ABI2: variants seen among roughly 807,000 people sequenced by gnomAD.
ABI2 encodes the protein abl interactor 2.
Under a neutral mutation model 59.2 loss-of-function variants are expected in ABI2, and 25 were observed. The ratio of observed to expected loss-of-function variants is 0.42; its 90% CI spans 0.31 to 0.59. The LOEUF (loss-of-function observed/expected upper bound fraction) is 0.59, where lower values mean the gene tolerates loss of function less well. Among genes scored for constraint, ABI2 ranks in the 20% least tolerant of loss-of-function variants. The pLI is 0.14. For missense variants in ABI2, 545 were observed against 681.8 expected (o/e 0.80, Z 2.23); for synonymous variants, 213 against 235.5 (o/e 0.90, Z 0.87).
intron 1 of ABI2, 140 bp downstream of exon 1, chr2:203,328,771 G>T: frequency 2.2e-6 from 1 of 461,790 alleles, no homozygotes; most frequent in East Asian, 3.7e-5. Flanking sequence ...TGAGGGCTGG[G>T]GCTGGTGAAT....
chr2:203,382,297 T>C, intron 4 of ABI2, 91 bp downstream of exon 4: 1 of 1,106,148 alleles, frequency 9.0e-7, no homozygotes, highest in Non-Finnish European at 1.3e-6. Context: ...TCTTGGCCTT[T>C]TAAAACCCAA....
chr2:203,394,058 C>T (rs192131919), intron 5 of ABI2, among the ~76,000 whole-genome samples: 1 of 152,162 alleles, frequency 6.6e-6, no homozygotes, highest in Non-Finnish European at 1.5e-5. Flanking sequence ...CCCTTCCCCC[C>T]ACCTTTGTAA....
In ABI2 at chr2:203,411,299, C is replaced by G. The variant is rs1269199777; in HGVS notation, c.1207C>G (p.Pro403Ala). Reference protein sequence around the residue: ...YSQNPVSLAPPPPSILQVTPQ... With the variant: ...YSQNPVSLAPAPPSILQVTPQ... Reference sequence around the variant, plus strand: ...TGTTTTTGCAGTATCTCTTGCTCCTCCTCCTCCCTCCATCCTACAGGTAAC... The same window carrying G: ...TGTTTTTGCAGTATCTCTTGCTCCTGCTCCTCCCTCCATCCTACAGGTAAC... The change falls in exon 10 of 12, where the codon CCT (proline) becomes GCT (alanine). Residue 403 changes from proline (P) to alanine (A), a missense_variant. By Grantham distance (27) the Pro-to-Ala change is conservative. Transcript: ENST00000261018. 6.2e-7 allele frequency: 1 copy of G among 1,613,686 alleles called. No homozygotes were observed. The highest frequency in any genetic ancestry group is 1.7e-5 in the Admixed American group (1 of 60,016).
chr2:203,379,945 A>G (rs2096002732), intron 2 of ABI2, among the ~76,000 whole-genome samples: 1 of 152,206 alleles, frequency 6.6e-6, no homozygotes, highest in Non-Finnish European at 1.5e-5. Context: ...CTTTTCTCCA[A>G]ACATTAAAAA....
At chr2:203,334,573 T>G (rs1205693082) in intron 1 of ABI2, among the ~76,000 whole-genome samples, 1 of 151,998 alleles carries the variant, frequency 6.6e-6, no homozygotes, top group Admixed American at 6.6e-5. Context: ...GTCCAGAGAT[T>G]CTGGGAAAAA....
chr2:203,391,050 G>A lies in ABI2; in HGVS notation c.485G>A (p.Ser162Asn). 1 of 1,613,468 alleles carries A rather than the reference G, an allele frequency of 6.2e-7. No homozygotes were observed. Among genetic ancestry groups the A allele is most frequent in the Non-Finnish European group, 8.5e-7 (1 of 1,179,676 alleles). ...GVKWLLRFKV[S>N]TQNMKMGGLP... ...GTTTTCCTTAAAATTTTTTAGGTGA[G>A]TACCCAGAACATGAAGATGGGTGGG... is the stretch of plus-strand genomic sequence containing the variant. The change falls in exon 5 of 12, where the codon AGT becomes AAT. Residue 162 changes from serine (S) to asparagine (N), a missense_variant. Ser to Asn is a conservative substitution (Grantham distance 46). Around this residue, in one of 4 missense-constraint regions of ABI2, gnomAD observed 410 missense variants for 435.6 expected, o/e 0.94. Transcript: ENST00000261018.
chr2:203,415,616 C>CAAAAA (rs71007515), intron 10 of ABI2, among the ~76,000 whole-genome samples: 45 of 42,328 alleles, frequency 1.1e-3, no homozygotes, highest in African/African-American at 2.2e-3. Context: ...GACTCCGTCT[C>CAAAAA]AAAAAAAAAA....
intron 4 of ABI2, among the ~76,000 whole-genome samples, chr2:203,387,918 A>G (rs184230418): frequency 6.6e-6 from 1 of 152,146 alleles, no homozygotes; most frequent in African/African-American, 2.4e-5. Context: ...CTTGTCAGGA[A>G]ATGTTTTCTC....
rs777951265 is a variant in ABI2, at chr2:203,374,498, C to CAAAA, written c.286-5692_286-5689dup. Among the ~76,000 whole-genome samples, 343 of 53,804 alleles carry CAAAA rather than the reference C, an allele frequency of 6.4e-3. 1 individual carries two copies. The highest frequency in any genetic ancestry group is 0.023 in the African/African-American group (317 of 13,800). 35.3% of individuals were successfully genotyped at this position (53,804 alleles called of 152,430 possible). On this transcript the variant is annotated intron_variant, in intron 2 of 11. Coordinates refer to ENST00000261018, the MANE Select transcript of ABI2 (RefSeq NM_001375670.1). ...TGGGTGGCAAAGCGAGACTCTGTCT[C>CAAAA]AAAAAAAAAAAAAAAAAAAAAGGAA... is the stretch of plus-strand genomic sequence containing the variant.
chr2:203,346,891 C>T (rs561910456), intron 1 of ABI2, among the ~76,000 whole-genome samples: 1 of 152,300 alleles, frequency 6.6e-6, no homozygotes, highest in East Asian at 1.9e-4. Flanking sequence ...GACCTTAAAC[C>T]TAGGCCCTTG....
At chr2:203,406,565 A>C (rs2153473508) in intron 9 of ABI2, among the ~76,000 whole-genome samples, 1 of 152,348 alleles carries the variant, frequency 6.6e-6, no homozygotes, top group Admixed American at 6.5e-5. Context: ...ATATTCTCTA[A>C]ATGATTTGTG....
intron 2 of ABI2, among the ~76,000 whole-genome samples, chr2:203,374,250 G>A (rs1244689628): frequency 6.6e-6 from 1 of 151,984 alleles, no homozygotes; most frequent in Non-Finnish European, 1.5e-5. Context: ...TGTAATCCCA[G>A]CACTTTGAGA....
chr2:203,389,114 TC>T (rs1167564022), intron 4 of ABI2, among the ~76,000 whole-genome samples: 18 of 152,228 alleles, frequency 1.2e-4, no homozygotes, highest in Non-Finnish European at 1.9e-4. Flanking sequence ...GTCATATTAC[TC>T]CTAAAATTTT....
At chr2:203,354,693 C>T (rs2090954516) in intron 1 of ABI2, among the ~76,000 whole-genome samples, 1 of 145,670 alleles carries the variant, frequency 6.9e-6, no homozygotes, top group Admixed American at 6.9e-5. Flanking sequence ...GGCCCCAGTT[C>T]ACATATTGTG....
intron 1 of ABI2, among the ~76,000 whole-genome samples, chr2:203,342,887 A>G (rs2080885824): frequency 6.6e-6 from 1 of 152,214 alleles, no homozygotes; most frequent in African/African-American, 2.4e-5. Context: ...GTTTAAATTT[A>G]TGGACATGAA....
At chr2:203,351,324 C>T (rs1213255952) in intron 1 of ABI2, among the ~76,000 whole-genome samples, 3 of 151,936 alleles carry the variant, frequency 2.0e-5, no homozygotes, top group Non-Finnish European at 4.4e-5. Flanking sequence ...TTCTATAGCC[C>T]CTGAATTTCC....
At chr2:203,359,918 G>A (rs1229301740) in intron 1 of ABI2, among the ~76,000 whole-genome samples, 1 of 152,120 alleles carries the variant, frequency 6.6e-6, no homozygotes, top group Non-Finnish European at 1.5e-5. Context: ...CAGGTATGGT[G>A]GTTCATGCCT....
intron 1 of ABI2, among the ~76,000 whole-genome samples, chr2:203,329,991 C>T (rs570271907): frequency 2.0e-5 from 3 of 152,268 alleles, no homozygotes; most frequent in Admixed American, 6.5e-5. Flanking sequence ...CCCACCTCGG[C>T]CTCCCAAAGT....
intron 1 of ABI2, among the ~76,000 whole-genome samples, chr2:203,346,771 ACAAAATAATAACCTGTGGC>A (rs1471970199): frequency 1.3e-5 from 2 of 152,220 alleles, no homozygotes; most frequent in Non-Finnish European, 2.9e-5. Context: ...AAGAGCAGGG[ACAAAATAATAACCTGTGGC>A]CAAAAGGAGG....
Sources: allele counts gnomAD v4.1 joint callset (sites outside exome capture counted in the v4.1 genomes callset), GRCh38; gene constraint gnomAD v4.1.1; regional missense constraint gnomAD v4.1.1; transcripts MANE v1.5; gene names NCBI Gene and HGNC (gene_info 2026-07-23, HGNC 2026-07-21).